Variants in RIMS1 observed in about 807,000 individuals in gnomAD.
RIMS1 encodes regulating synaptic membrane exocytosis 1, also known as regulating synaptic membrane exocytosis protein 1.
RIMS1 carries 83 observed loss-of-function variants against 214.1 expected under a neutral mutation model. That is an observed-to-expected ratio of 0.39 (90% CI 0.32 to 0.47). RIMS1 has a LOEUF of 0.47. Ranked by LOEUF, RIMS1 falls within the 20% of genes least tolerant of loss-of-function variation. The pLI is 0.99. For synonymous variants in RIMS1, 793 were observed against 786.8 expected, an observed-to-expected ratio of 1.01 and a Z score of -0.13; for missense variants, 2,050 against 2,161.8, an observed-to-expected ratio of 0.95 and a Z score of 1.03.
intron 4 of RIMS1, among the ~76,000 whole-genome samples, chr6:72,135,793 T>A (rs898419680): frequency 9.2e-5 from 14 of 152,166 alleles, no homozygotes; most frequent in South Asian, 2.1e-4. Context: ...ATTCTGCACA[T>A]GTGTAAGATG....
chr6:71,995,355 A>C, intron 2 of RIMS1, among the ~76,000 whole-genome samples: 1 of 152,172 alleles, frequency 6.6e-6, no homozygotes, highest in South Asian at 2.1e-4. Flanking sequence ...GAGGATAAGT[A>C]AATTGTAAAT....
intron 6 of RIMS1, among the ~76,000 whole-genome samples, chr6:72,222,086 T>A (rs545993643): frequency 6.6e-6 from 1 of 152,076 alleles, no homozygotes; most frequent in East Asian, 1.9e-4. Context: ...ATATGAAAAA[T>A]TGACTTTTTA....
At chr6:71,888,149 C>T (rs1187587299) in intron 1 of RIMS1, among the ~76,000 whole-genome samples, 1 of 152,182 alleles carries the variant, frequency 6.6e-6, no homozygotes, top group Non-Finnish European at 1.5e-5. Flanking sequence ...TTGCCTCAGA[C>T]AAAACTGCTT....
Position 72,274,355 on chromosome 6 carries a change from AT to A in RIMS1, c.3406del (p.Trp1136GlyfsTer5). 9 of 1,610,276 alleles carry A rather than the reference AT, an allele frequency of 5.6e-6. No homozygotes were observed. The highest frequency in any genetic ancestry group is 7.6e-6 in the Non-Finnish European group (9 of 1,177,148). On this transcript the variant is annotated frameshift_variant, in exon 23 of 34. Coordinates refer to ENST00000521978, the MANE Select transcript of RIMS1 (RefSeq NM_014989.7). LOFTEE classifies it high-confidence loss of function. ...LHSPERERGR[W>X]SPSLDRRRPP... Reference sequence around the variant, plus strand: ...TTGTTCACTGGGCAAACAGGGGTAGATGGTCCCCCTCCCTAGATAGGAGACG... The same window carrying A: ...TTGTTCACTGGGCAAACAGGGGTAGAGGTCCCCCTCCCTAGATAGGAGACG...
chr6:72,107,862 AATGTTT>A (rs2035082735), intron 4 of RIMS1, among the ~76,000 whole-genome samples: 1 of 152,186 alleles, frequency 6.6e-6, no homozygotes, highest in African/African-American at 2.4e-5. Context: ...CTTAGAAACT[AATGTTT>A]ATTAGGCATG....
In RIMS1 at chr6:72,182,711, C is replaced by T. The variant is rs1245468267; in HGVS notation, c.1240C>T (p.Pro414Ser). The T allele has an allele frequency of 6.6e-7, 1 of 1,513,536 alleles. No individual in the cohort carries two copies. Among genetic ancestry groups the T allele is most frequent in the African/African-American group, 1.4e-5 (1 of 69,182 alleles). The allele number at this position is 1,513,536 out of a possible 1,614,324, so 93.8% of individuals were successfully genotyped here. Reference protein sequence around the residue: ...LPEGKAGKRAPAAARASPPDS... With the variant: ...LPEGKAGKRASAAARASPPDS... ...GGAGGGCAAGGCCGGCAAACGCGCG[C>T]CGGCGGCAGCCAGGGCCTCGCCGCC... Residue 414 changes from proline (P) to serine (S), a missense_variant, in exon 6 of 34, where the codon CCG becomes TCG. Physicochemically the swap from Pro to Ser is moderately conservative, Grantham distance 74. Coordinates refer to ENST00000521978, the MANE Select transcript of RIMS1 (RefSeq NM_014989.7).
At chr6:72,022,252 G>C (rs76979046) in intron 2 of RIMS1, among the ~76,000 whole-genome samples, 9,595 of 152,210 alleles carry the variant, frequency 0.063, 419 homozygotes, top group Middle Eastern at 0.13. Context: ...GCCATTGACA[G>C]CAAAACGTTT....
intron 1 of RIMS1, among the ~76,000 whole-genome samples, chr6:71,967,608 G>A (rs1309660572): frequency 1.3e-5 from 2 of 152,116 alleles, no homozygotes; most frequent in South Asian, 2.1e-4. Flanking sequence ...CCACCACACC[G>A]GGGAAAGAAC....
chr6:72,074,254 G>A lies in RIMS1; in HGVS notation c.246-22695G>A, dbSNP rs536772029. ...ATACCCACAAAGCAACATTCATAAT[G>A]GATTGTGTTACATAGCTGGTATTCA... On this transcript the variant is annotated intron_variant, in intron 2 of 33. Transcript: ENST00000521978. Among the ~76,000 whole-genome samples, 4 of 152,244 alleles carry A rather than the reference G, an allele frequency of 2.6e-5. No homozygotes were observed. The South Asian group carries it at 6.2e-4, about 24-fold the overall frequency.
At chr6:72,252,477 G>C (rs894550254) in intron 15 of RIMS1, among the ~76,000 whole-genome samples, 1 of 152,026 alleles carries the variant, frequency 6.6e-6, no homozygotes, top group Non-Finnish European at 1.5e-5. Flanking sequence ...TGTGCTGAAG[G>C]CTTTTAGTAT....
intron 4 of RIMS1, among the ~76,000 whole-genome samples, chr6:72,109,176 T>C (rs1267041102): frequency 6.6e-6 from 1 of 152,202 alleles, no homozygotes; most frequent in Non-Finnish European, 1.5e-5. Flanking sequence ...TGCATGTGTC[T>C]TCATAGCAGA....
chr6:72,264,070 C>G (rs1215959425), intron 19 of RIMS1: 2 of 820,946 alleles, frequency 2.4e-6, no homozygotes, highest in African/African-American at 1.9e-5. Flanking sequence ...TTGATTTGAT[C>G]ATTAATATAA....
chr6:72,124,023 A>G (rs1445168224), intron 4 of RIMS1, among the ~76,000 whole-genome samples: 2 of 151,772 alleles, frequency 1.3e-5, no homozygotes, highest in African/African-American at 2.4e-5. Context: ...TTATGATGTT[A>G]GCTGGTTATT....
chr6:72,345,613 AT>A (rs2097237158), intron 29 of RIMS1, among the ~76,000 whole-genome samples: 1 of 151,748 alleles, frequency 6.6e-6, no homozygotes, highest in Non-Finnish European at 1.5e-5. Context: ...TTTGATAGAG[AT>A]TTTTTAAACA....
intron 2 of RIMS1, among the ~76,000 whole-genome samples, chr6:72,083,470 C>T (rs1317060885): frequency 6.6e-6 from 1 of 152,032 alleles, no homozygotes; most frequent in East Asian, 1.9e-4. Context: ...TCATTTTTCA[C>T]TCTGACTTCC....
At chr6:71,967,203 A>G (rs573551976) in intron 1 of RIMS1, among the ~76,000 whole-genome samples, 4 of 152,232 alleles carry the variant, frequency 2.6e-5, no homozygotes, top group East Asian at 3.9e-4. Context: ...CCTGGCTAAC[A>G]TGGTGAAACC....
intron 4 of RIMS1, among the ~76,000 whole-genome samples, chr6:72,146,552 GT>G (rs2042781791): frequency 6.6e-6 from 1 of 152,052 alleles, no homozygotes; most frequent in South Asian, 2.1e-4. Context: ...AGAAAACCCT[GT>G]TGTGCTTTTA....
At chr6:72,393,624 G>A (rs1225509793) in intron 31 of RIMS1, among the ~76,000 whole-genome samples, 1 of 152,062 alleles carries the variant, frequency 6.6e-6, no homozygotes, top group African/African-American at 2.4e-5. Context: ...CTACTCGGGA[G>A]GCTGAGGCAG....
intron 2 of RIMS1, among the ~76,000 whole-genome samples, chr6:71,976,416 A>C (rs554946863): frequency 6.6e-6 from 1 of 152,274 alleles, no homozygotes; most frequent in African/African-American, 2.4e-5. Context: ...GTTTTCTCTA[A>C]GGATGATCTT....
Sources: gnomAD v4.1 joint callset for allele counts (sites outside exome capture counted in the v4.1 genomes callset) on GRCh38, gnomAD v4.1.1 for gene constraint, MANE v1.5 for transcripts, NCBI Gene and HGNC (gene_info 2026-07-23, HGNC 2026-07-21) for gene names.